The following STK32B variants were observed in gnomAD, a reference collection of about 807,000 sequenced individuals.
The protein encoded by STK32B is serine/threonine kinase 32B.
STK32B carries 43 observed loss-of-function variants against 52.6 expected under a neutral mutation model. The observed-to-expected ratio is 0.82, with a 90% CI of 0.64 to 1.05. The LOEUF (loss-of-function observed/expected upper bound fraction) is 1.05, where lower values mean the gene tolerates loss of function less well. Ranked by LOEUF, STK32B falls within the 50% of genes least tolerant of loss-of-function variation. STK32B has a pLI of 0.00. For missense variants in STK32B, 621 were observed against 534.6 expected (o/e 1.16, Z -1.59); for synonymous variants, 238 against 204.3 (o/e 1.17, Z -1.41).
chr4:5,473,019 C>A (rs577494845), intron 11 of STK32B, among the ~76,000 whole-genome samples: 1 of 152,252 alleles, frequency 6.6e-6, no homozygotes, highest in East Asian at 1.9e-4. Context: ...CGTTCCCTGG[C>A]AGGCAAAATC....
intron 4 of STK32B, among the ~76,000 whole-genome samples, chr4:5,333,555 C>A (rs1326704886): frequency 6.6e-6 from 1 of 152,116 alleles, no homozygotes; most frequent in African/African-American, 2.4e-5. Flanking sequence ...CTTGCCCATG[C>A]CTATGTCCTG....
intron 1 of STK32B, among the ~76,000 whole-genome samples, chr4:5,124,352 T>C (rs1186868542): frequency 1.3e-5 from 2 of 152,214 alleles, no homozygotes; most frequent in African/African-American, 4.8e-5. Flanking sequence ...GCAGCCTCCC[T>C]GACTCTCTTA....
chr4:5,271,219 G>C (rs1200636674), intron 3 of STK32B, among the ~76,000 whole-genome samples: 1 of 152,200 alleles, frequency 6.6e-6, no homozygotes, highest in African/African-American at 2.4e-5. Context: ...TAACAGGTGT[G>C]AGTCACTGTG....
chr4:5,274,446 A>C (rs1373582464), intron 3 of STK32B, among the ~76,000 whole-genome samples: 1 of 152,102 alleles, frequency 6.6e-6, no homozygotes. Flanking sequence ...GACTAGGTGG[A>C]TTTCCTAGGC....
At chr4:5,270,226 G>A (rs1428016476) in intron 3 of STK32B, among the ~76,000 whole-genome samples, 2 of 152,138 alleles carry the variant, frequency 1.3e-5, no homozygotes, top group Non-Finnish European at 2.9e-5. Context: ...TACAGGTGAG[G>A]TCCCACAATA....
chr4:5,100,863 CTCCT>C (rs1030732090), intron 1 of STK32B, among the ~76,000 whole-genome samples: 14 of 141,136 alleles, frequency 9.9e-5, no homozygotes, highest in Non-Finnish European at 1.7e-4. Context: ...TTTCTTTCCT[CTCCT>C]TCCTTCCTTC....
At chr4:5,027,976 A>T in the STK32B span, among the ~76,000 whole-genome samples, 3 of 152,210 alleles carry the variant, frequency 2.0e-5, no homozygotes, top group African/African-American at 7.2e-5. Context: ...CTTGGACATC[A>T]TCAGCTGCCC....
chr4:5,290,529 T>C (rs1728832949), intron 3 of STK32B, among the ~76,000 whole-genome samples: 2 of 152,202 alleles, frequency 1.3e-5, no homozygotes, highest in Non-Finnish European at 2.9e-5. Context: ...TATAATCTCA[T>C]GGGACCACCG....
intron 3 of STK32B, among the ~76,000 whole-genome samples, chr4:5,177,243 A>G (rs73210300): frequency 0.19 from 28,572 of 152,120 alleles, 3,382 homozygotes; most frequent in East Asian, 0.31. Flanking sequence ...GCAAAGGAGA[A>G]GCCGGCACCT....
Position 5,456,795 on chromosome 4 carries a change from C to T in STK32B, c.667-12C>T, listed in dbSNP as rs553651026. ...TCTCTCTCTGATTCTGGCTGTTGTTCTTTGATTGCAGAGGCCGTACGAAAT... is the reference window on the plus strand; with the variant it reads ...TCTCTCTCTGATTCTGGCTGTTGTTTTTTGATTGCAGAGGCCGTACGAAAT... On this transcript the variant is annotated splice_polypyrimidine_tract_variant and intron_variant, in intron 7 of 11. Coordinates refer to ENST00000282908, the MANE Select transcript of STK32B (RefSeq NM_018401.3). 6.4e-7 allele frequency: 1 copy of T among 1,557,148 alleles called. No homozygotes were observed. The highest frequency in any genetic ancestry group is 1.2e-5 in the South Asian group (1 of 81,490).
intron 11 of STK32B, among the ~76,000 whole-genome samples, chr4:5,484,696 C>T (rs1262353697): frequency 2.0e-5 from 3 of 152,120 alleles, no homozygotes; most frequent in Admixed American, 6.5e-5. Flanking sequence ...ATGGTCTTTA[C>T]AATTTGGCAT....
chr4:5,445,274 G>T (rs28661094), intron 6 of STK32B, among the ~76,000 whole-genome samples: 1,720 of 152,266 alleles, frequency 0.011, 25 homozygotes, highest in African/African-American at 0.039. Flanking sequence ...AGCGCCCCCA[G>T]GTCAACTCAT....
chr4:5,063,795 C>T (rs36028942), intron 1 of STK32B, among the ~76,000 whole-genome samples: 28,748 of 152,166 alleles, frequency 0.19, 3,224 homozygotes, highest in East Asian at 0.38. Flanking sequence ...GCTAACTTAT[C>T]GAACAGCATA....
At chr4:5,457,201 GTT>G in intron 8 of STK32B, among the ~76,000 whole-genome samples, 1 of 139,290 alleles carries the variant, frequency 7.2e-6, no homozygotes, top group South Asian at 2.3e-4. Flanking sequence ...TGCATGTGGG[GTT>G]TTTTTTTTCT....
In STK32B at chr4:5,051,530, T is replaced by C; in HGVS notation, c.-334T>C. The C allele has an allele frequency of 2.9e-6, 1 of 339,648 alleles. No homozygotes were observed. The highest frequency in any genetic ancestry group is 5.3e-6 in the Non-Finnish European group (1 of 189,226). The allele number at this position is 339,648 out of a possible 1,614,324, so 21.0% of individuals were successfully genotyped here. ...GCCGCCTCGCGTCTCCCGCCCGCTG[T>C]AGCCGGCGAGGAGCGCCGCACGTTG... On this transcript the variant is annotated 5_prime_UTR_variant, in exon 1 of 12. Coordinates refer to ENST00000282908, the MANE Select transcript of STK32B (RefSeq NM_018401.3).
At chr4:5,230,618 G>A (rs1256443483) in intron 3 of STK32B, among the ~76,000 whole-genome samples, 1 of 152,136 alleles carries the variant, frequency 6.6e-6, no homozygotes, top group Middle Eastern at 3.2e-3. Context: ...TGAACTTCTG[G>A]ACACCCTGGA....
At chr4:5,477,887 G>A (rs998655773) in intron 11 of STK32B, among the ~76,000 whole-genome samples, 8 of 152,208 alleles carry the variant, frequency 5.3e-5, no homozygotes, top group Non-Finnish European at 8.8e-5. Flanking sequence ...CTGCCCATCC[G>A]TCAGACCCCC....
chr4:5,282,373 C>A (rs1249362739), intron 3 of STK32B, among the ~76,000 whole-genome samples: 1 of 152,120 alleles, frequency 6.6e-6, no homozygotes, highest in African/African-American at 2.4e-5. Context: ...GGTTCTGCAT[C>A]TGTGGATACA....
At chr4:5,412,352 C>T (rs141272995) in intron 5 of STK32B, among the ~76,000 whole-genome samples, 10 of 152,354 alleles carry the variant, frequency 6.6e-5, no homozygotes, top group African/African-American at 2.2e-4. Flanking sequence ...CCTACATCTT[C>T]GGTTGCCCAT....
Sources: allele counts gnomAD v4.1 joint callset (sites outside exome capture counted in the v4.1 genomes callset), GRCh38; gene constraint gnomAD v4.1.1; transcripts MANE v1.5; gene names NCBI Gene and HGNC (gene_info 2026-07-23, HGNC 2026-07-21).